The following ZBTB20 variants were observed in gnomAD, a reference collection of about 807,000 sequenced individuals.
ZBTB20 encodes the protein zinc finger and BTB domain containing 20.
Under a neutral mutation model 56.9 loss-of-function variants are expected in ZBTB20, and 9 were observed. That is an observed-to-expected ratio of 0.16 (90% CI 0.10 to 0.28). The LOEUF (loss-of-function observed/expected upper bound fraction) is 0.28, where lower values mean the gene tolerates loss of function less well. ZBTB20 is among the 10% of genes least tolerant of loss of function. The pLI is 1.00. For missense variants in ZBTB20, 655 were observed against 1,003.0 expected (o/e 0.65, Z 4.69); for synonymous variants, 417 against 420.7 (o/e 0.99, Z 0.11).
chr3:114,511,278 T>C (rs1383408357), intron 6 of ZBTB20, among the ~76,000 whole-genome samples: 1 of 152,152 alleles, frequency 6.6e-6, no homozygotes, highest in African/African-American at 2.4e-5. Flanking sequence ...AGACAAGTTC[T>C]AGGTCTTGTA....
intron 2 of ZBTB20, among the ~76,000 whole-genome samples, chr3:114,988,171 T>C (rs1235609609): frequency 1.3e-5 from 2 of 150,966 alleles, no homozygotes; most frequent in Admixed American, 6.6e-5. Flanking sequence ...TATGTATACA[T>C]GTACCATGTT....
chr3:114,672,075 C>T (rs2108175025), intron 6 of ZBTB20, among the ~76,000 whole-genome samples: 1 of 152,096 alleles, frequency 6.6e-6, no homozygotes, highest in South Asian at 2.1e-4. Context: ...CCTATAATGC[C>T]TTGTCCCAGT....
intron 1 of ZBTB20, among the ~76,000 whole-genome samples, chr3:115,131,564 AC>A (rs1384493419): frequency 1.3e-5 from 2 of 152,184 alleles, no homozygotes; most frequent in African/African-American, 4.8e-5. Context: ...AGTTACAACA[AC>A]CTGGAAACCA....
intron 4 of ZBTB20, among the ~76,000 whole-genome samples, chr3:114,810,816 A>G (rs1208325472): frequency 2.6e-5 from 4 of 152,094 alleles, no homozygotes; most frequent in Non-Finnish European, 1.5e-5. Flanking sequence ...GCGGGGGGGA[A>G]GTCTAACTGC....
At chr3:114,343,681 C>T (rs2079966217) in intron 11 of ZBTB20, among the ~76,000 whole-genome samples, 1 of 152,222 alleles carries the variant, frequency 6.6e-6, no homozygotes, top group Non-Finnish European at 1.5e-5. Flanking sequence ...AATGGAAGTA[C>T]ATTCAGATGG....
intron 2 of ZBTB20, among the ~76,000 whole-genome samples, chr3:115,055,146 T>G (rs2081712762): frequency 6.8e-6 from 1 of 146,958 alleles, no homozygotes; most frequent in Middle Eastern, 3.5e-3. Flanking sequence ...CTTACAAACT[T>G]TTGCTCCCTC....
chr3:114,482,563 TG>T (rs1430783774), intron 7 of ZBTB20, among the ~76,000 whole-genome samples: 1 of 152,194 alleles, frequency 6.6e-6, no homozygotes, highest in African/African-American at 2.4e-5. Flanking sequence ...AATTTTTTGT[TG>T]TTTTTTTGGC....
chr3:114,687,751 G>A lies in ZBTB20; in HGVS notation c.-295+5777C>T, dbSNP rs1397959402. The A allele has an allele frequency of 2.0e-5, 3 of 151,978 alleles. No individual in the cohort carries two copies. The East Asian group carries it at 5.8e-4, about 29-fold the overall frequency. 9.4% of individuals were successfully genotyped at this position (151,978 alleles called of 1,614,324 possible). A position where few individuals can be genotyped will look rare whatever the true frequency, so the allele number is the denominator to read the frequency against. ...TTTTAAAGATCCACTTAACCCCTTG[G>A]GTTTTATTTGATTTAAAGAAAATTG... On this transcript the variant is annotated intron_variant, in intron 6 of 11. Coordinates refer to ENST00000675478, the MANE Select transcript of ZBTB20 (RefSeq NM_001348800.3).
chr3:114,712,725 A>G (rs1202968698), intron 5 of ZBTB20, among the ~76,000 whole-genome samples: 3 of 152,160 alleles, frequency 2.0e-5, no homozygotes, highest in Non-Finnish European at 2.9e-5. Context: ...AAAAGGATAT[A>G]GCAGTTTGTT....
intron 3 of ZBTB20, among the ~76,000 whole-genome samples, chr3:114,953,173 T>C (rs561877617): frequency 6.6e-6 from 1 of 151,998 alleles, no homozygotes; most frequent in Non-Finnish European, 1.5e-5. Flanking sequence ...TAAAAAGATA[T>C]GTATATTGAA....
intron 1 of ZBTB20, among the ~76,000 whole-genome samples, chr3:115,079,768 G>A (rs934764962): frequency 2.0e-5 from 3 of 152,032 alleles, no homozygotes; most frequent in East Asian, 1.9e-4. Context: ...TCCATTCTTC[G>A]TAAAAACCCT....
chr3:114,441,072 G>A lies in ZBTB20; in HGVS notation c.-254-51967C>T, dbSNP rs150796156. On this transcript the variant is annotated intron_variant, in intron 7 of 11. Transcript: ENST00000675478. The stretch of plus-strand genomic sequence containing the variant: ...TTAACTCTTTATTATCTCTTTTGTC[G>A]ATTATTTGTGTGACTAAAAAGATTT... Among the ~76,000 whole-genome samples the A allele has an allele frequency of 7.6e-3, 1,162 of 152,058 alleles. 8 individuals carry two copies. Among genetic ancestry groups the A allele is most frequent in the Non-Finnish European group, 0.013 (872 of 67,952 alleles).
At chr3:114,537,424 A>G (rs776948656) in intron 6 of ZBTB20, among the ~76,000 whole-genome samples, 3 of 152,230 alleles carry the variant, frequency 2.0e-5, no homozygotes, top group Non-Finnish European at 2.9e-5. Context: ...TGCAAATCAA[A>G]ATCACAATGA....
intron 7 of ZBTB20, among the ~76,000 whole-genome samples, chr3:114,399,054 C>A (rs2086584759): frequency 6.6e-6 from 1 of 152,112 alleles, no homozygotes; most frequent in Non-Finnish European, 1.5e-5. Context: ...TGTTAAGGGG[C>A]CCTGAGTTTT....
intron 6 of ZBTB20, among the ~76,000 whole-genome samples, chr3:114,576,389 C>T (rs1577693752): frequency 1.3e-5 from 2 of 150,888 alleles, no homozygotes; most frequent in East Asian, 3.9e-4. Flanking sequence ...GTAGTCCCAG[C>T]TACTCGGGAG....
chr3:114,417,373 A>G (rs903045386), intron 7 of ZBTB20, among the ~76,000 whole-genome samples: 1 of 152,144 alleles, frequency 6.6e-6, no homozygotes, highest in Non-Finnish European at 1.5e-5. Flanking sequence ...TGTTTGTGAT[A>G]GAAACCTGGG....
intron 6 of ZBTB20, among the ~76,000 whole-genome samples, chr3:114,657,776 C>T (rs1333936638): frequency 1.3e-5 from 2 of 152,098 alleles, no homozygotes; most frequent in Admixed American, 6.5e-5. Context: ...TGGTCACTCT[C>T]CGGTGCCTTC....
intron 6 of ZBTB20, chr3:114,519,803 T>G (rs2046427430): frequency 6.6e-6 from 1 of 152,150 alleles, no homozygotes; most frequent in African/African-American, 2.4e-5. Context: ...CAACCATACA[T>G]TCTAGAAAAC....
chr3:114,370,353 T>C (rs2082866623), intron 10 of ZBTB20, among the ~76,000 whole-genome samples: 1 of 152,192 alleles, frequency 6.6e-6, no homozygotes, highest in African/African-American at 2.4e-5. Context: ...GAACCCCTCT[T>C]TATGGTCTTT....
Sources: gnomAD v4.1 joint callset for allele counts (sites outside exome capture counted in the v4.1 genomes callset) on GRCh38, gnomAD v4.1.1 for gene constraint, MANE v1.5 for transcripts, NCBI Gene and HGNC (gene_info 2026-07-23, HGNC 2026-07-21) for gene names.